The following KIAA1217 variants were observed in gnomAD, a reference collection of about 807,000 sequenced individuals.
KIAA1217 encodes sickle tail protein homolog.
A neutral mutation model predicts 163.9 loss-of-function variants in KIAA1217; 88 were observed. The ratio of observed to expected loss-of-function variants is 0.54; its 90% CI spans 0.45 to 0.64. KIAA1217 has a LOEUF of 0.64. KIAA1217 is among the 30% of genes least tolerant of loss of function. The pLI, the probability that KIAA1217 is intolerant of heterozygous loss-of-function variation, is 0.00. For missense variants in KIAA1217, 2,372 were observed against 2,475.0 expected (o/e 0.96, Z 0.88); for synonymous variants, 903 against 923.1 (o/e 0.98, Z 0.39).
At chr10:24,446,558 A>G (rs1442857263) in intron 5 of KIAA1217, among the ~76,000 whole-genome samples, 6 of 152,160 alleles carry the variant, frequency 3.9e-5, no homozygotes, top group Non-Finnish European at 7.3e-5. Context: ...CCGTAGTAAC[A>G]AAAGAATCCC....
chr10:23,938,461 C>T (rs989333250), intron 1 of KIAA1217, among the ~76,000 whole-genome samples: 3 of 150,364 alleles, frequency 2.0e-5, no homozygotes, highest in East Asian at 2.0e-4. Flanking sequence ...ATTCTGCATC[C>T]GTGGTTTCAA....
At position 24,280,575 on chromosome 10, in the gene KIAA1217, G is replaced by A. The variant is rs1488558107; in HGVS notation, c.354+60666G>A. Among the ~76,000 whole-genome samples the A allele has an allele frequency of 6.8e-4, 104 of 152,236 alleles. 2 individuals carry two copies. Among genetic ancestry groups the A allele is most frequent in the African/African-American group, 2.4e-3 (98 of 41,534 alleles). ...GCCTGTAATCCCAGCACTTTGGGAG[G>A]CGGAGGCGGGTGGATTGCGAGGTCA... On this transcript the variant is annotated intron_variant, in intron 2 of 20. Coordinates refer to ENST00000376454, the MANE Select transcript of KIAA1217 (RefSeq NM_019590.5).
rs188326428 is a variant in KIAA1217, at chr10:24,370,189, C to T, written c.355-10680C>T. Reference sequence around the variant, plus strand: ...CTGAGGCAGGAGAATGGTGTGAACCCGGGAGGCGGAGCCTGCAGTGAGCCA... The same window carrying T: ...CTGAGGCAGGAGAATGGTGTGAACCTGGGAGGCGGAGCCTGCAGTGAGCCA... On this transcript the variant is annotated intron_variant, in intron 2 of 20. Transcript: ENST00000376454. Among the ~76,000 whole-genome samples, 1,161 of 147,670 alleles carry T rather than the reference C, an allele frequency of 7.9e-3. 12 individuals are homozygous for T. Among genetic ancestry groups the T allele is most frequent in the Non-Finnish European group, 9.4e-3 (630 of 67,342 alleles).
chr10:24,030,284 C>T (rs1848138313), intron 2 of KIAA1217, among the ~76,000 whole-genome samples: 1 of 152,012 alleles, frequency 6.6e-6, no homozygotes, highest in Non-Finnish European at 1.5e-5. Context: ...CCCCAAGTGT[C>T]GAGGGAGGGT....
At chr10:24,461,916 G>T (rs2062446990) in intron 5 of KIAA1217, among the ~76,000 whole-genome samples, 1 of 152,036 alleles carries the variant, frequency 6.6e-6, no homozygotes, top group Non-Finnish European at 1.5e-5. Flanking sequence ...TCTCTGAGGG[G>T]CATGGTCCTG....
chr10:24,039,828 AT>A (rs1848557106), intron 2 of KIAA1217, among the ~76,000 whole-genome samples: 1 of 151,818 alleles, frequency 6.6e-6, no homozygotes, highest in African/African-American at 2.4e-5. Context: ...AGATATAGAT[AT>A]AGATATAGAT....
intron 2 of KIAA1217, among the ~76,000 whole-genome samples, chr10:24,250,855 C>G (rs1029470140): frequency 6.7e-6 from 1 of 150,082 alleles, no homozygotes; most frequent in South Asian, 2.1e-4. Flanking sequence ...TTAAGGAGGT[C>G]GAGAGAGCAG....
At chr10:23,744,836 A>G (rs1839310048) in intron 1 of KIAA1217, among the ~76,000 whole-genome samples, 1 of 152,154 alleles carries the variant, frequency 6.6e-6, no homozygotes. Flanking sequence ...GGAAGAACCA[A>G]TGTTGTAGTT....
At chr10:23,789,667 C>G (rs1247966293) in intron 1 of KIAA1217, among the ~76,000 whole-genome samples, 4 of 152,140 alleles carry the variant, frequency 2.6e-5, no homozygotes, top group South Asian at 2.1e-4. Flanking sequence ...CTTTATTCAG[C>G]TTTTCAGACT....
Position 24,428,250 on chromosome 10 carries a change from T to A in KIAA1217, c.554-4745T>A, listed in dbSNP as rs1313603985. ...GGACCTCAAGAGCGGTTTTGGCCTT[T>A]TGATGTACCATAGCAATCACATGGG... is the stretch of plus-strand genomic sequence containing the variant. On this transcript the variant is annotated intron_variant, in intron 3 of 20. Coordinates refer to ENST00000376454, the MANE Select transcript of KIAA1217 (RefSeq NM_019590.5). 2.6e-5 allele frequency among the ~76,000 whole-genome samples: 4 copies of A among 152,304 alleles called. No homozygotes were observed. In the South Asian group the frequency reaches 6.2e-4, roughly 24 times the overall value.
intron 5 of KIAA1217, chr10:24,449,664 A>AG: frequency 1.0e-6 from 1 of 985,442 alleles, no homozygotes; most frequent in Non-Finnish European, 1.2e-6. Context: ...GTCACCATGA[A>AG]GACAGGCAAA....
At chr10:24,513,186 G>A (rs1371217122) in intron 9 of KIAA1217, 73 bp from the exon 10 acceptor site, 3 of 1,454,770 alleles carry the variant, frequency 2.1e-6, no homozygotes, top group Non-Finnish European at 2.8e-6. Context: ...GTGCTCCGAA[G>A]ACTTCAAGGC....
chr10:23,928,421 G>C (rs1843118567), intron 1 of KIAA1217, among the ~76,000 whole-genome samples: 1 of 152,112 alleles, frequency 6.6e-6, no homozygotes, highest in Admixed American at 6.5e-5. Context: ...ATTGCTTGAT[G>C]AATTGTTCAT....
At chr10:23,710,859 A>G (rs1215257786) in intron 1 of KIAA1217, among the ~76,000 whole-genome samples, 3 of 152,200 alleles carry the variant, frequency 2.0e-5, no homozygotes, top group African/African-American at 7.2e-5. Context: ...CCGGGTCACC[A>G]TCTATCCTTC....
rs370024214 is a variant in KIAA1217, at chr10:24,194,443, T to G, written c.-170-25183T>G. Among the ~76,000 whole-genome samples the G allele has an allele frequency of 1.6e-3, 238 of 146,606 alleles. 1 individual carries two copies. Among genetic ancestry groups the G allele is most frequent in the African/African-American group, 5.7e-3 (225 of 39,494 alleles). On this transcript the variant is annotated intron_variant, in intron 2 of 18. Coordinates refer to the KIAA1217 transcript ENST00000376462. ...CTCAAGCCATCCTCCCACCTTAGCC[T>G]CCTAAGTCACTGGGACTACGGACAC...
intron 2 of KIAA1217, among the ~76,000 whole-genome samples, chr10:24,097,974 A>T (rs887704911): frequency 6.6e-6 from 1 of 152,036 alleles, no homozygotes; most frequent in African/African-American, 2.4e-5. Context: ...TCTGTGTTCC[A>T]GGGGCAACAC....
rs891985626 is a variant in KIAA1217 at position 24,544,904 on chromosome 10, C to A, written c.5212-77C>A. The A allele has an allele frequency of 1.2e-4, 189 of 1,512,328 alleles. No homozygotes were observed. The Middle Eastern group carries it at 1.5e-3, about 12-fold the overall frequency. 93.7% of individuals were successfully genotyped at this position (1,512,328 alleles called of 1,614,324 possible). Reference sequence around the variant, plus strand: ...GCTTCTCACCTTGAGCTTCTCTGCACATCGTGGGGCAGCCTCACAGATGAC... The same window carrying A: ...GCTTCTCACCTTGAGCTTCTCTGCAAATCGTGGGGCAGCCTCACAGATGAC... On this transcript the variant is annotated intron_variant, in intron 19 of 20. Transcript: ENST00000376454.
chr10:24,270,485 G>A (rs2076668990), intron 2 of KIAA1217, among the ~76,000 whole-genome samples: 1 of 152,126 alleles, frequency 6.6e-6, no homozygotes. Context: ...TCATCTTTTT[G>A]AAAATTAGCC....
chr10:23,706,877 G>A (rs188878014), intron 1 of KIAA1217, among the ~76,000 whole-genome samples: 1 of 152,130 alleles, frequency 6.6e-6, no homozygotes, highest in Non-Finnish European at 1.5e-5. Flanking sequence ...GTATGGAAGA[G>A]GGGAGGAAAA....
Sources: gnomAD v4.1 joint callset for allele counts (sites outside exome capture counted in the v4.1 genomes callset) on GRCh38, gnomAD v4.1.1 for gene constraint, MANE v1.5 for transcripts, NCBI Gene and HGNC (gene_info 2026-07-23, HGNC 2026-07-21) for gene names.